Variants in SH3RF3 observed in about 807,000 individuals in gnomAD.
The protein encoded by SH3RF3 is SH3 domain containing ring finger 3.
A neutral mutation model predicts 66.3 loss-of-function variants in SH3RF3; 29 were observed. The ratio of observed to expected loss-of-function variants is 0.44; its 90% CI spans 0.33 to 0.60. SH3RF3 has a LOEUF of 0.60. SH3RF3 is among the 20% of genes least tolerant of loss of function. The probability of loss-of-function intolerance (pLI) is 0.04; values close to 1 mark genes in which losing one functional copy is unlikely to be tolerated. For missense variants in SH3RF3, 1,194 were observed against 1,190.9 expected (o/e 1.00, Z -0.04); for synonymous variants, 583 against 532.0 (o/e 1.10, Z -1.32).
At chr2:109,328,285 ATCT>A (rs1158394531) in intron 1 of SH3RF3, among the ~76,000 whole-genome samples, 1 of 152,156 alleles carries the variant, frequency 6.6e-6, no homozygotes, top group Admixed American at 6.5e-5. Flanking sequence ...ATAGGATTCC[ATCT>A]CTCTTACTTC....
chr2:109,336,869 A>G (rs1369072343), intron 1 of SH3RF3, among the ~76,000 whole-genome samples: 1 of 152,138 alleles, frequency 6.6e-6, no homozygotes, highest in African/African-American at 2.4e-5. Flanking sequence ...CACCTGGTGC[A>G]GTGAAGAATT....
chr2:109,161,403 T>C (rs1677486275), intron 1 of SH3RF3, among the ~76,000 whole-genome samples: 1 of 152,058 alleles, frequency 6.6e-6, no homozygotes, highest in Non-Finnish European at 1.5e-5. Context: ...AGCCTTCGTT[T>C]CCTTTCTGTC....
At chr2:109,474,550 C>T (rs1430033023) in intron 8 of SH3RF3, among the ~76,000 whole-genome samples, 1 of 152,180 alleles carries the variant, frequency 6.6e-6, no homozygotes, top group African/African-American at 2.4e-5. Context: ...CAGTCCGAAC[C>T]GCACGGGGCT....
intron 6 of SH3RF3, among the ~76,000 whole-genome samples, chr2:109,435,322 G>C (rs1377857438): frequency 6.6e-6 from 1 of 152,172 alleles, no homozygotes; most frequent in Non-Finnish European, 1.5e-5. Context: ...GTGCCCCCAG[G>C]ACTTATACTT....
At chr2:109,267,907 C>T (rs545058325) in intron 1 of SH3RF3, among the ~76,000 whole-genome samples, 13 of 152,190 alleles carry the variant, frequency 8.5e-5, no homozygotes, top group African/African-American at 2.9e-4. Flanking sequence ...TGCAGCACAG[C>T]CACACTCCTG....
At chr2:109,451,972 A>G (rs1677885056) in intron 8 of SH3RF3, among the ~76,000 whole-genome samples, 1 of 152,234 alleles carries the variant, frequency 6.6e-6, no homozygotes, top group Admixed American at 6.5e-5. Context: ...AGCAAACCCC[A>G]GCAGAGAAGC....
intron 1 of SH3RF3, among the ~76,000 whole-genome samples, chr2:109,330,571 T>G (rs895533890): frequency 2.0e-5 from 3 of 152,126 alleles, no homozygotes; most frequent in Admixed American, 2.0e-4. Context: ...AGATAGTCAC[T>G]GTTTGCATGG....
At chr2:109,199,852 A>T (rs200322527) in intron 1 of SH3RF3, among the ~76,000 whole-genome samples, 2,292 of 150,276 alleles carry the variant, frequency 0.015, 11 homozygotes, top group Non-Finnish European at 0.025. Context: ...TGGAATGGAA[A>T]TAACAAAATT....
At chr2:109,190,014 T>C (rs1021798546) in intron 1 of SH3RF3, among the ~76,000 whole-genome samples, 3 of 152,246 alleles carry the variant, frequency 2.0e-5, no homozygotes, top group Non-Finnish European at 2.9e-5. Flanking sequence ...GGAAGAAGTC[T>C]ACAGAACTAA....
At chr2:109,440,106 C>T (rs1559084892) in intron 7 of SH3RF3, among the ~76,000 whole-genome samples, 1 of 152,236 alleles carries the variant, frequency 6.6e-6, no homozygotes, top group Non-Finnish European at 1.5e-5. Flanking sequence ...TGAGGAATAG[C>T]ATAACTCTTG....
chr2:109,485,901 C>T (rs1194826116), intron 8 of SH3RF3, among the ~76,000 whole-genome samples: 1 of 152,278 alleles, frequency 6.6e-6, no homozygotes, highest in Non-Finnish European at 1.5e-5. Context: ...CTCCCTGGCC[C>T]TTGATCTCCT....
At chr2:109,305,251 G>C (rs921180082) in intron 1 of SH3RF3, among the ~76,000 whole-genome samples, 1 of 152,088 alleles carries the variant, frequency 6.6e-6, no homozygotes, top group Non-Finnish European at 1.5e-5. Flanking sequence ...TTTCCCCCTG[G>C]GAAGTTCAGT....
intron 1 of SH3RF3, among the ~76,000 whole-genome samples, chr2:109,332,417 G>A (rs1682310344): frequency 6.6e-6 from 1 of 152,124 alleles, no homozygotes; most frequent in Admixed American, 6.5e-5. Context: ...CCAGCACCCC[G>A]AGCAGGGTGC....
rs546191182 is a variant in SH3RF3 at position 109,444,696 on chromosome 2, G to A, written c.1829-4474G>A. Among the ~76,000 whole-genome samples, 327 of 152,222 alleles carry A rather than the reference G, an allele frequency of 2.1e-3. 2 individuals carry two copies. Among genetic ancestry groups the A allele is most frequent in the African/African-American group, 7.7e-3 (320 of 41,518 alleles). The stretch of plus-strand genomic sequence containing the variant: ...CCATTAAACCTAGTTCTAAGGGAGG[G>A]TCCTAGAGGCCAAGCAGCACTAACA... On this transcript the variant is annotated intron_variant, in intron 7 of 9. Coordinates refer to ENST00000309415, the MANE Select transcript of SH3RF3 (RefSeq NM_001099289.3).
intron 4 of SH3RF3, among the ~76,000 whole-genome samples, chr2:109,408,737 G>A (rs1473193932): frequency 2.0e-5 from 3 of 152,246 alleles, no homozygotes; most frequent in Admixed American, 1.3e-4. Context: ...TGCAGCCACC[G>A]CCTGTAAAGG....
intron 9 of SH3RF3, among the ~76,000 whole-genome samples, chr2:109,499,458 T>C (rs934829929): frequency 1.3e-5 from 2 of 152,162 alleles, no homozygotes; most frequent in Admixed American, 6.5e-5. Flanking sequence ...GCATCTTCTC[T>C]CAGCCCTTAC....
chr2:109,490,801 T>C lies in SH3RF3; in HGVS notation c.2345T>C (p.Met782Thr). ...RAGSCPIESE[M>T]QGAMGMEPLH... is the part of the protein sequence containing the mutation. ...GGGTCCTGCCCCATAGAGAGCGAGA[T>C]GCAGGGTGCCATGGGGATGGAGCCT... The change falls in exon 9 of 10, where the codon ATG becomes ACG. Residue 782 changes from methionine (M) to threonine (T), a missense_variant. Met to Thr is a moderately conservative substitution (Grantham distance 81). Coordinates refer to ENST00000309415, the MANE Select transcript of SH3RF3 (RefSeq NM_001099289.3). 6.5e-7 allele frequency: 1 copy of C among 1,537,006 alleles called. No individual in the cohort carries two copies. The highest frequency in any genetic ancestry group is 1.2e-5 in the South Asian group (1 of 84,052).
At chr2:109,472,347 C>T (rs984938722) in intron 8 of SH3RF3, among the ~76,000 whole-genome samples, 15 of 137,084 alleles carry the variant, frequency 1.1e-4, no homozygotes, top group South Asian at 2.4e-4. Flanking sequence ...TCGGTGGTCT[C>T]GGGCCGGTGT....
chr2:109,251,577 G>A (rs760513352), intron 1 of SH3RF3: 4 of 869,576 alleles, frequency 4.6e-6, no homozygotes, highest in African/African-American at 1.6e-5. Context: ...CGACTGGTGG[G>A]CAACAGAACA....
Sources: allele counts gnomAD v4.1 joint callset (sites outside exome capture counted in the v4.1 genomes callset), GRCh38; gene constraint gnomAD v4.1.1; transcripts MANE v1.5; gene names NCBI Gene and HGNC (gene_info 2026-07-23, HGNC 2026-07-21).